The following AFF3 variants were observed in gnomAD, a reference collection of about 807,000 sequenced individuals.
The protein encoded by AFF3 is ALF transcription elongation factor 3.
A neutral mutation model predicts 129.7 loss-of-function variants in AFF3; 32 were observed. The observed-to-expected ratio is 0.25, with a 90% CI of 0.19 to 0.33. AFF3 has a LOEUF of 0.33. AFF3 is among the 10% of genes least tolerant of loss of function. The pLI is 1.00. For synonymous variants in AFF3, 644 were observed against 635.4 expected, an observed-to-expected ratio of 1.01 and a Z score of -0.20; for missense variants, 1,373 against 1,592.0, an observed-to-expected ratio of 0.86 and a Z score of 2.34.
At chr2:100,124,757 C>T (rs1692117984) in intron 2 of AFF3, among the ~76,000 whole-genome samples, 1 of 152,080 alleles carries the variant, frequency 6.6e-6, no homozygotes, top group South Asian at 2.1e-4. Context: ...TGCAAGAAAA[C>T]AACATCAGCT....
intron 7 of AFF3, among the ~76,000 whole-genome samples, chr2:100,001,007 C>T (rs1459031931): frequency 6.6e-6 from 1 of 152,232 alleles, no homozygotes; most frequent in Non-Finnish European, 1.5e-5. Flanking sequence ...TTTCAACCAA[C>T]TCCAAACACA....
chr2:99,903,280 T>C (rs573313350), intron 7 of AFF3, among the ~76,000 whole-genome samples: 24 of 152,300 alleles, frequency 1.6e-4, no homozygotes, highest in Middle Eastern at 3.4e-3. Flanking sequence ...GAGAAATGTG[T>C]ATCTTTTAAT....
At chr2:99,875,692 T>C (rs1692241050) in intron 7 of AFF3, among the ~76,000 whole-genome samples, 1 of 152,132 alleles carries the variant, frequency 6.6e-6, no homozygotes, top group Admixed American at 6.5e-5. Flanking sequence ...AATATGTGAA[T>C]GAGTGGATAA....
At chr2:99,712,138 C>T (rs1167462971) in intron 11 of AFF3, among the ~76,000 whole-genome samples, 1 of 152,200 alleles carries the variant, frequency 6.6e-6, no homozygotes, top group Admixed American at 6.5e-5. Flanking sequence ...ATTCCAAATG[C>T]CTACTTGTTG....
At position 99,707,498 on chromosome 2, in the gene AFF3, C is replaced by T. The variant is rs1468568264; in HGVS notation, c.1091+19579G>A. 11 of 985,138 alleles carry T rather than the reference C, an allele frequency of 1.1e-5. No homozygotes were observed. In the Admixed American group the frequency reaches 1.8e-4, roughly 17 times the overall value. 61.0% of individuals were successfully genotyped at this position (985,138 alleles called of 1,614,324 possible). A position where few individuals can be genotyped will look rare whatever the true frequency, so the allele number is the denominator to read the frequency against. On this transcript the variant is annotated intron_variant, in intron 11 of 24. Coordinates refer to ENST00000672756, the MANE Select transcript of AFF3 (RefSeq NM_001386135.1). ...AAGGTTATCCACGAAGTTTCAAACG[C>T]GTCTTAGTAACATAAACTGAAGTTA...
chr2:99,916,820 C>A (rs375498687), intron 7 of AFF3, among the ~76,000 whole-genome samples: 133 of 152,154 alleles, frequency 8.7e-4, no homozygotes, highest in African/African-American at 3.1e-3. Context: ...AACTTCACAA[C>A]AGGGGAAGGC....
chr2:100,078,026 TA>T (rs1164863072), intron 4 of AFF3, among the ~76,000 whole-genome samples: 2 of 152,212 alleles, frequency 1.3e-5, no homozygotes, highest in Non-Finnish European at 2.9e-5. Context: ...CTTCCTGCCC[TA>T]AGCCAGTTCC....
chr2:100,128,347 C>A (rs1418630855), intron 2 of AFF3, among the ~76,000 whole-genome samples: 1 of 152,202 alleles, frequency 6.6e-6, no homozygotes, highest in Non-Finnish European at 1.5e-5. Flanking sequence ...TTTCCTGTAA[C>A]AGAGGCTCCT....
chr2:99,878,384 A>C (rs955793775), intron 7 of AFF3, among the ~76,000 whole-genome samples: 4 of 152,134 alleles, frequency 2.6e-5, no homozygotes, highest in Non-Finnish European at 4.4e-5. Context: ...GGTCAGGGAA[A>C]ATTTTCAACC....
chr2:99,555,947 T>C (rs75875086), intron 22 of AFF3, among the ~76,000 whole-genome samples: 43 of 152,352 alleles, frequency 2.8e-4, no homozygotes, highest in African/African-American at 1.0e-3. Context: ...GAAACCTTCC[T>C]GAACAGGGGA....
At chr2:99,698,458 T>C (rs1398874233) in intron 11 of AFF3, among the ~76,000 whole-genome samples, 1 of 152,234 alleles carries the variant, frequency 6.6e-6, no homozygotes, top group Non-Finnish European at 1.5e-5. Flanking sequence ...AGGGTGTTGA[T>C]TCTGGCTAAC....
chr2:99,752,834 G>C (rs1381080117), intron 8 of AFF3, among the ~76,000 whole-genome samples: 1 of 152,184 alleles, frequency 6.6e-6, no homozygotes, highest in Non-Finnish European at 1.5e-5. Context: ...ATGAAATACA[G>C]AGACAGAATG....
At chr2:99,951,516 T>C (rs767594620) in intron 7 of AFF3, among the ~76,000 whole-genome samples, 18 of 152,202 alleles carry the variant, frequency 1.2e-4, no homozygotes, top group Admixed American at 2.6e-4. Context: ...TTTACAACAA[T>C]CTTATTAGTG....
intron 7 of AFF3, among the ~76,000 whole-genome samples, chr2:99,964,398 A>G (rs961138536): frequency 6.6e-6 from 1 of 152,210 alleles, no homozygotes; most frequent in African/African-American, 2.4e-5. Context: ...CTAAAATCAC[A>G]CAGAGCATGT....
intron 17 of AFF3, among the ~76,000 whole-genome samples, chr2:99,582,382 T>A (rs1677656754): frequency 6.6e-6 from 1 of 152,086 alleles, no homozygotes; most frequent in Non-Finnish European, 1.5e-5. Context: ...GCTGCGACAC[T>A]GGCCAATAAG....
chr2:99,581,313 T>C (rs1055740556), intron 17 of AFF3, among the ~76,000 whole-genome samples: 2 of 152,160 alleles, frequency 1.3e-5, no homozygotes, highest in African/African-American at 4.8e-5. Context: ...TTTTCTAATA[T>C]AGGTCTTCCC....
chr2:100,072,956 T>G (rs1227502351), intron 4 of AFF3, among the ~76,000 whole-genome samples: 1 of 152,174 alleles, frequency 6.6e-6, no homozygotes, highest in Non-Finnish European at 1.5e-5. Context: ...AAGAAGTTAT[T>G]GTTGGAATGA....
At chr2:100,036,449 T>C (rs1482403367) in intron 4 of AFF3, among the ~76,000 whole-genome samples, 1 of 152,106 alleles carries the variant, frequency 6.6e-6, no homozygotes, top group Non-Finnish European at 1.5e-5. Flanking sequence ...AAAAATACAT[T>C]TTATTCCTAC....
At position 99,942,899 on chromosome 2, in the gene AFF3, C is replaced by T. The variant is rs1481996727; in HGVS notation, c.873+63733G>A. ...CCTTAATCCCAATATATTTTCCTTCCCTGAAGAGCAATATGGATGCCGTCT... is the reference window on the plus strand; with the variant it reads ...CCTTAATCCCAATATATTTTCCTTCTCTGAAGAGCAATATGGATGCCGTCT... On this transcript the variant is annotated intron_variant, in intron 7 of 24. Coordinates refer to ENST00000672756, the MANE Select transcript of AFF3 (RefSeq NM_001386135.1). Among the ~76,000 whole-genome samples, 6 of 152,206 alleles carry T rather than the reference C, an allele frequency of 3.9e-5. No homozygotes were observed. The East Asian group carries it at 1.2e-3, about 29-fold the overall frequency.
Sources: allele counts gnomAD v4.1 joint callset (sites outside exome capture counted in the v4.1 genomes callset), GRCh38; gene constraint gnomAD v4.1.1; transcripts MANE v1.5; gene names NCBI Gene and HGNC (gene_info 2026-07-23, HGNC 2026-07-21).